Variants in PTPRK observed in about 807,000 individuals in gnomAD.
The protein encoded by PTPRK is receptor-type tyrosine-protein phosphatase kappa.
A neutral mutation model predicts 178.0 loss-of-function variants in PTPRK; 75 were observed. That is an observed-to-expected ratio of 0.42 (90% CI 0.35 to 0.51). The LOEUF is 0.51. Among genes scored for constraint, PTPRK ranks in the 20% least tolerant of loss-of-function variants. The pLI, the probability that PTPRK is intolerant of heterozygous loss-of-function variation, is 0.02. For missense variants in PTPRK, 1,441 were observed against 1,797.8 expected, an observed-to-expected ratio of 0.80 and a Z score of 3.59; for synonymous variants, 637 against 620.6, an observed-to-expected ratio of 1.03 and a Z score of -0.39.
intron 7 of PTPRK, among the ~76,000 whole-genome samples, chr6:128,168,918 A>C (rs78145729): frequency 0.067 from 10,216 of 152,144 alleles, 799 homozygotes; most frequent in African/African-American, 0.19. Flanking sequence ...GGCAATCCTG[A>C]CATTTGTGAC....
intron 3 of PTPRK, among the ~76,000 whole-genome samples, chr6:128,281,527 T>C (rs1024248349): frequency 2.0e-5 from 3 of 152,142 alleles, no homozygotes; most frequent in African/African-American, 7.2e-5. Flanking sequence ...TTTATCACCC[T>C]ATTCTCTGTC....
chr6:128,128,496 CTT>C (rs200613389), intron 7 of PTPRK, among the ~76,000 whole-genome samples: 3,876 of 152,304 alleles, frequency 0.025, 75 homozygotes, highest in Middle Eastern at 0.095. Flanking sequence ...TCCCAGAACA[CTT>C]TGAGTGAACA....
chr6:128,343,247 C>T (rs1276901123), intron 2 of PTPRK, among the ~76,000 whole-genome samples: 1 of 152,010 alleles, frequency 6.6e-6, no homozygotes, highest in Non-Finnish European at 1.5e-5. Flanking sequence ...TCACGCCTGT[C>T]CCAGCACTTT....
chr6:128,377,872 T>G (rs2128353715), intron 2 of PTPRK, among the ~76,000 whole-genome samples: 1 of 152,282 alleles, frequency 6.6e-6, no homozygotes, highest in South Asian at 2.1e-4. Flanking sequence ...TTTAATCAAC[T>G]TCCAAACTGT....
At chr6:128,380,516 A>T (rs1263360837) in intron 2 of PTPRK, among the ~76,000 whole-genome samples, 3 of 140,908 alleles carry the variant, frequency 2.1e-5, no homozygotes, top group African/African-American at 7.8e-5. Context: ...TTGGAAAATC[A>T]CACACCTTCC....
rs1430841849 is a variant in PTPRK at position 128,183,638 on chromosome 6, A to T, written c.1162+794T>A. ...CAACAATACTGTCAATGATAAACAG[A>T]TGCTCAAGAAACAAAAGACAAAATA... On this transcript the variant is annotated intron_variant, in intron 7 of 29. Coordinates refer to ENST00000368226, the MANE Select transcript of PTPRK (RefSeq NM_002844.4). Among the ~76,000 whole-genome samples, 6 of 152,196 alleles carry T rather than the reference A, an allele frequency of 3.9e-5. No homozygotes were observed. In the East Asian group the frequency reaches 1.2e-3, roughly 29 times the overall value.
intron 3 of PTPRK, among the ~76,000 whole-genome samples, chr6:128,288,492 T>C (rs1045778976): frequency 6.6e-6 from 1 of 152,158 alleles, no homozygotes; most frequent in Non-Finnish European, 1.5e-5. Flanking sequence ...AGAATTTCCA[T>C]AGTGATGCTT....
chr6:128,092,869 T>C (rs2115032180), intron 7 of PTPRK, among the ~76,000 whole-genome samples: 1 of 152,298 alleles, frequency 6.6e-6, no homozygotes, highest in Non-Finnish European at 1.5e-5. Flanking sequence ...AAATTTAACA[T>C]TTAAAATCAA....
At chr6:128,049,962 C>T (rs956527623) in intron 13 of PTPRK, among the ~76,000 whole-genome samples, 8 of 152,102 alleles carry the variant, frequency 5.3e-5, no homozygotes, top group African/African-American at 1.7e-4. Flanking sequence ...CCCGGAGAAA[C>T]GCCATCTCTA....
At chr6:128,244,562 T>A (rs1815109913) in intron 3 of PTPRK, among the ~76,000 whole-genome samples, 1 of 152,192 alleles carries the variant, frequency 6.6e-6, no homozygotes. Context: ...ACAATAACAA[T>A]AATTTAAAGA....
chr6:128,108,360 A>G (rs531228550), intron 7 of PTPRK, among the ~76,000 whole-genome samples: 1 of 152,198 alleles, frequency 6.6e-6, no homozygotes, highest in East Asian at 1.9e-4. Context: ...GTGCAGAAAA[A>G]GAGAGTAGAG....
At chr6:128,010,320 C>A (rs956763686) in intron 13 of PTPRK, among the ~76,000 whole-genome samples, 1 of 151,194 alleles carries the variant, frequency 6.6e-6, no homozygotes, top group African/African-American at 2.4e-5. Flanking sequence ...CAACACAGCA[C>A]CTTGCACTTG....
intron 6 of PTPRK, among the ~76,000 whole-genome samples, chr6:128,185,960 C>T (rs544899249): frequency 6.6e-6 from 1 of 152,152 alleles, no homozygotes; most frequent in African/African-American, 2.4e-5. Flanking sequence ...TTCTTTTTAA[C>T]CCTGATTGTA....
chr6:128,407,304 G>A (rs376362520), intron 1 of PTPRK, among the ~76,000 whole-genome samples: 1 of 152,084 alleles, frequency 6.6e-6, no homozygotes, highest in Non-Finnish European at 1.5e-5. Flanking sequence ...GTACATATGA[G>A]AAGATCTCCA....
At chr6:128,297,718 T>G (rs1470919454) in intron 3 of PTPRK, among the ~76,000 whole-genome samples, 1 of 152,240 alleles carries the variant, frequency 6.6e-6, no homozygotes, top group East Asian at 1.9e-4. Context: ...TGGGACACAT[T>G]CAAAGCAGTG....
At chr6:128,200,804 AAG>A (rs1193642131) in intron 6 of PTPRK, among the ~76,000 whole-genome samples, 1 of 145,748 alleles carries the variant, frequency 6.9e-6, no homozygotes, top group African/African-American at 2.5e-5. Flanking sequence ...AAAAGACAGA[AAG>A]AGAGAGAGAA....
At chr6:128,426,212 G>T (rs902127205) in intron 1 of PTPRK, among the ~76,000 whole-genome samples, 2 of 152,142 alleles carry the variant, frequency 1.3e-5, no homozygotes, top group Non-Finnish European at 2.9e-5. Flanking sequence ...TGTTGAGGAT[G>T]CCTTTCCCTT....
chr6:128,358,606 A>C, intron 2 of PTPRK, among the ~76,000 whole-genome samples: 1 of 152,232 alleles, frequency 6.6e-6, no homozygotes, highest in East Asian at 1.9e-4. Context: ...TTTTCACTGG[A>C]CAGTACAGTA....
At chr6:128,064,151 A>C (rs1280343565) in intron 13 of PTPRK, among the ~76,000 whole-genome samples, 3 of 152,188 alleles carry the variant, frequency 2.0e-5, no homozygotes, top group Non-Finnish European at 4.4e-5. Flanking sequence ...GGAACTCTAA[A>C]TATTCATTCA....
Sources: allele counts gnomAD v4.1 joint callset (sites outside exome capture counted in the v4.1 genomes callset), GRCh38; gene constraint gnomAD v4.1.1; transcripts MANE v1.5; gene names NCBI Gene and HGNC (gene_info 2026-07-23, HGNC 2026-07-21).